The following WHRN variants were observed in gnomAD, a reference collection of about 807,000 sequenced individuals.
The protein encoded by WHRN is whirlin, also known as CASK-interacting protein CIP98.
WHRN carries 41 observed loss-of-function variants against 68.3 expected under a neutral mutation model. That is an observed-to-expected ratio of 0.60 (90% CI 0.47 to 0.78). WHRN has a LOEUF of 0.78. WHRN is among the 30% of genes least tolerant of loss of function. The pLI is 0.00. For missense variants in WHRN, 1,243 were observed against 1,244.7 expected (o/e 1.00, Z 0.02); for synonymous variants, 560 against 561.3 (o/e 1.00, Z 0.03).
At chr9:114,472,042 C>T (rs754668569) in intron 2 of WHRN, among the ~76,000 whole-genome samples, 12 of 152,312 alleles carry the variant, frequency 7.9e-5, no homozygotes, top group African/African-American at 2.4e-4. Flanking sequence ...AAGAGAACAG[C>T]GAACACCTGA....
At chr9:114,416,224 GA>G (rs906777911) in intron 7 of WHRN, among the ~76,000 whole-genome samples, 1 of 152,224 alleles carries the variant, frequency 6.6e-6, no homozygotes, top group Non-Finnish European at 1.5e-5. Flanking sequence ...AATCCAGGTG[GA>G]AAAAGCCTGA....
In WHRN at chr9:114,492,420, C is replaced by T. The variant is rs551109893; in HGVS notation, c.618+11764G>A. 7.9e-5 allele frequency among the ~76,000 whole-genome samples: 12 copies of T among 152,268 alleles called. No homozygotes were observed. In the South Asian group the frequency reaches 1.2e-3, roughly 16 times the overall value. On this transcript the variant is annotated intron_variant, in intron 1 of 11. Transcript: ENST00000362057. ...AAATAAATCATGTACCTCTTCACTACGATATATTATGCAATCATTAAAAAA... is the reference window on the plus strand; with the variant it reads ...AAATAAATCATGTACCTCTTCACTATGATATATTATGCAATCATTAAAAAA...
At chr9:114,475,927 G>A (rs1395577073) in intron 2 of WHRN, among the ~76,000 whole-genome samples, 2 of 152,124 alleles carry the variant, frequency 1.3e-5, no homozygotes, top group Admixed American at 6.6e-5. Flanking sequence ...TTCGGTATCT[G>A]GGTCCTCCCT....
At chr9:114,443,620 T>C (rs992442630) in intron 3 of WHRN, among the ~76,000 whole-genome samples, 27 of 152,262 alleles carry the variant, frequency 1.8e-4, no homozygotes, top group African/African-American at 6.5e-4. Context: ...AATAGGAGCT[T>C]TTATTCCCTC....
intron 3 of WHRN, among the ~76,000 whole-genome samples, chr9:114,430,575 C>T (rs1202584878): frequency 6.6e-5 from 10 of 152,118 alleles, no homozygotes; most frequent in African/African-American, 1.9e-4. Context: ...CAACCTGAGT[C>T]GCAGGAATTA....
At chr9:114,423,274 C>T (rs773100124) in intron 7 of WHRN, 40 bp downstream of exon 7, 1 of 1,604,762 alleles carries the variant, frequency 6.2e-7, no homozygotes, top group South Asian at 1.1e-5. Flanking sequence ...CTTAACTCTG[C>T]CCTGGCTACT....
intron 3 of WHRN, among the ~76,000 whole-genome samples, chr9:114,462,349 T>C (rs529066502): frequency 6.6e-6 from 1 of 152,280 alleles, no homozygotes; most frequent in South Asian, 2.1e-4. Context: ...AAGAGAACTC[T>C]CTGCAACTTT....
At chr9:114,413,461 G>C (rs963689766) in intron 7 of WHRN, among the ~76,000 whole-genome samples, 1 of 152,134 alleles carries the variant, frequency 6.6e-6, no homozygotes, top group East Asian at 1.9e-4. Context: ...GGGCAGTGGG[G>C]CTCCCCAGAG....
At chr9:114,504,117 G>C in intron 1 of WHRN, 67 bp downstream of exon 1, 1 of 1,608,080 alleles carries the variant, frequency 6.2e-7, no homozygotes, top group Non-Finnish European at 8.5e-7. Context: ...ACAGCATGGA[G>C]TTACTGAAAA....
rs539943196 is a variant in WHRN, at chr9:114,423,595, C to T, written c.1417-72G>A. On this transcript the variant is annotated intron_variant, in intron 6 of 11. Coordinates refer to ENST00000362057, the MANE Select transcript of WHRN (RefSeq NM_015404.4). ...AGGTGGAACAGGGGCCCTGCTACCCCCAAAGGACTGGCATGCAAACTTGAC... is the reference window on the plus strand; with the variant it reads ...AGGTGGAACAGGGGCCCTGCTACCCTCAAAGGACTGGCATGCAAACTTGAC... The T allele has an allele frequency of 9.2e-4, 1,327 of 1,448,798 alleles. 1 individual carries two copies. The highest frequency in any genetic ancestry group is 3.1e-3 in the Middle Eastern group (17 of 5,494). The allele number at this position is 1,448,798 out of a possible 1,614,324, so 89.7% of individuals were successfully genotyped here.
intron 3 of WHRN, among the ~76,000 whole-genome samples, chr9:114,427,642 G>C (rs1836996677): frequency 6.6e-6 from 1 of 151,926 alleles, no homozygotes; most frequent in Non-Finnish European, 1.5e-5. Context: ...AAAAGAAGAT[G>C]GGATTACCAG....
chr9:114,464,848 TGATGA>T (rs1840540977), intron 3 of WHRN, among the ~76,000 whole-genome samples: 3 of 129,216 alleles, frequency 2.3e-5, no homozygotes, highest in Non-Finnish European at 4.5e-5. Context: ...ATGATGATGA[TGATGA>T]TGATGATGAT....
rs563467316 is a variant in WHRN at position 114,438,002 on chromosome 9, A to T, written c.964-11589T>A. Among the ~76,000 whole-genome samples the T allele has an allele frequency of 4.6e-5, 7 of 152,314 alleles. No homozygotes were observed. The South Asian group carries it at 1.2e-3, about 27-fold the overall frequency. On this transcript the variant is annotated intron_variant, in intron 3 of 11. Transcript: ENST00000362057. ...ATAAATGGCCATTAAATATATGAGAAGATGTTCAACTTCACCCATAATAAG... is the reference window on the plus strand; with the variant it reads ...ATAAATGGCCATTAAATATATGAGATGATGTTCAACTTCACCCATAATAAG...
chr9:114,437,728 C>A (rs1215388006), intron 3 of WHRN, among the ~76,000 whole-genome samples: 1 of 152,218 alleles, frequency 6.6e-6, no homozygotes, highest in African/African-American at 2.4e-5. Flanking sequence ...AACACGTTGA[C>A]CCTGGCCTTC....
At position 114,497,546 on chromosome 9, in the gene WHRN, AAAG is replaced by A. The variant is rs532413321; in HGVS notation, c.618+6635_618+6637del. On this transcript the variant is annotated intron_variant, in intron 1 of 11. Transcript: ENST00000362057. The stretch of plus-strand genomic sequence containing the variant: ...AAAAAAAGAAAAGGAAAAAAAAAAG[AAAG>A]AAGCCCAAAAGCCAGAAGATATATC... 2.6e-5 allele frequency among the ~76,000 whole-genome samples: 4 copies of A among 152,074 alleles called. No individual in the cohort carries two copies. The South Asian group carries it at 8.3e-4, about 32-fold the overall frequency.
At chr9:114,425,995 A>T (rs1836817078) in intron 4 of WHRN, 3 of 633,048 alleles carry the variant, frequency 4.7e-6, no homozygotes, top group East Asian at 5.6e-5. Context: ...ATAAAGAATG[A>T]GACAGTTGGA....
chr9:114,466,472 C>G, intron 2 of WHRN, 80 bp from the exon 3 acceptor site: 1 of 1,596,162 alleles, frequency 6.3e-7, no homozygotes, highest in Non-Finnish European at 8.5e-7. Context: ...AGCCCCCTCT[C>G]GTACTTTGAA....
chr9:114,430,008 G>A (rs1837271112), intron 3 of WHRN, among the ~76,000 whole-genome samples: 1 of 152,260 alleles, frequency 6.6e-6, no homozygotes, highest in African/African-American at 2.4e-5. Context: ...CAAGGGCTTT[G>A]TTTCCTTAAG....
At position 114,464,855 on chromosome 9, in the gene WHRN, GATGATGATGA is replaced by G. The variant is rs1198921671; in HGVS notation, c.963+1402_963+1411del. ...TGATGATGATGATGATGATGATGATGATGATGATGATGTCGTCTGTCTGTCCCTTTGGGCT... is the reference window on the plus strand; with the variant it reads ...TGATGATGATGATGATGATGATGATGTGTCGTCTGTCTGTCCCTTTGGGCT... On this transcript the variant is annotated intron_variant, in intron 3 of 11. Transcript: ENST00000362057. Among the ~76,000 whole-genome samples, 7 of 126,876 alleles carry G rather than the reference GATGATGATGA, an allele frequency of 5.5e-5. No homozygotes were observed. In the East Asian group the frequency reaches 1.1e-3, roughly 20 times the overall value. 83.2% of individuals were successfully genotyped at this position (126,876 alleles called of 152,430 possible).
Sources: gnomAD v4.1 joint callset for allele counts (sites outside exome capture counted in the v4.1 genomes callset) on GRCh38, gnomAD v4.1.1 for gene constraint, MANE v1.5 for transcripts, NCBI Gene and HGNC (gene_info 2026-07-23, HGNC 2026-07-21) for gene names.